The following SLC39A11 variants were observed in gnomAD, a reference collection of about 807,000 sequenced individuals.
The protein encoded by SLC39A11 is zinc transporter ZIP11.
Under a neutral mutation model 36.1 loss-of-function variants are expected in SLC39A11, and 33 were observed. The observed-to-expected ratio is 0.91, with a 90% confidence interval of 0.69 to 1.22. SLC39A11 has a LOEUF of 1.22. SLC39A11 is among the 50% of genes most tolerant of loss of function. The probability of loss-of-function intolerance (pLI) is 0.00; values close to 1 mark genes in which losing one functional copy is unlikely to be tolerated. For synonymous variants in SLC39A11, 166 were observed against 170.3 expected, an observed-to-expected ratio of 0.97 and a Z score of 0.20; for missense variants, 432 against 430.3, an observed-to-expected ratio of 1.00 and a Z score of -0.03.
chr17:73,077,981 G>A (rs1325763981), intron 3 of SLC39A11, among the ~76,000 whole-genome samples: 1 of 152,150 alleles, frequency 6.6e-6, no homozygotes, highest in Admixed American at 6.5e-5. Context: ...GCTCACGCCT[G>A]TAATCCCAGC....
chr17:72,734,704 G>C (rs2074352462), intron 7 of SLC39A11, among the ~76,000 whole-genome samples: 2 of 152,228 alleles, frequency 1.3e-5, no homozygotes, highest in Admixed American at 1.3e-4. Flanking sequence ...GAGTTGACAT[G>C]ATGATGTCGC....
At chr17:72,787,148 A>G (rs2076544679) in intron 6 of SLC39A11, among the ~76,000 whole-genome samples, 2 of 151,758 alleles carry the variant, frequency 1.3e-5, no homozygotes, top group African/African-American at 4.8e-5. Context: ...GATGCAGTGC[A>G]GCAGACCTGG....
intron 4 of SLC39A11, among the ~76,000 whole-genome samples, chr17:73,001,069 C>T (rs2148393027): frequency 6.6e-6 from 1 of 152,262 alleles, no homozygotes; most frequent in African/African-American, 2.4e-5. Context: ...CCATCACCAG[C>T]CTGCTGGCCC....
At chr17:73,016,758 C>T (rs1269001012) in intron 4 of SLC39A11, among the ~76,000 whole-genome samples, 1 of 152,210 alleles carries the variant, frequency 6.6e-6, no homozygotes, top group South Asian at 2.1e-4. Context: ...ATTTCAGAAC[C>T]AATGAACCAA....
chr17:72,793,462 A>C (rs2567515), intron 6 of SLC39A11, among the ~76,000 whole-genome samples: 152,143 of 152,288 alleles, frequency 1, 76,001 homozygotes, highest in Middle Eastern at 1. Context: ...AAAGGGAGAG[A>C]TTTTCTTTCT....
intron 3 of SLC39A11, among the ~76,000 whole-genome samples, chr17:73,080,626 T>C (rs2060477796): frequency 6.6e-6 from 1 of 152,154 alleles, no homozygotes; most frequent in Non-Finnish European, 1.5e-5. Context: ...AAAACAACGA[T>C]AAACAGATAA....
chr17:73,015,701 G>A (rs150792873), intron 4 of SLC39A11, among the ~76,000 whole-genome samples: 2 of 152,194 alleles, frequency 1.3e-5, no homozygotes, highest in Non-Finnish European at 2.9e-5. Context: ...TCGTGCCTTG[G>A]CCTCCCAAGT....
At chr17:72,764,339 G>A (rs2075690963) in intron 6 of SLC39A11, among the ~76,000 whole-genome samples, 1 of 152,142 alleles carries the variant, frequency 6.6e-6, no homozygotes, top group African/African-American at 2.4e-5. Flanking sequence ...CAGCTGTGGT[G>A]GGGACAAGGC....
At chr17:72,650,154 T>C (rs1219301169) in intron 7 of SLC39A11, among the ~76,000 whole-genome samples, 2 of 152,226 alleles carry the variant, frequency 1.3e-5, no homozygotes, top group Admixed American at 1.3e-4. Context: ...CTCCGTGGGC[T>C]CTGCAGGTCT....
At chr17:72,794,386 C>T (rs2076819379) in intron 6 of SLC39A11, among the ~76,000 whole-genome samples, 1 of 152,132 alleles carries the variant, frequency 6.6e-6, no homozygotes, top group African/African-American at 2.4e-5. Flanking sequence ...CACAATCCTT[C>T]TGTTGGGTCC....
At chr17:73,032,546 T>C (rs938336629) in intron 3 of SLC39A11, among the ~76,000 whole-genome samples, 15 of 152,200 alleles carry the variant, frequency 9.9e-5, no homozygotes, top group African/African-American at 3.6e-4. Flanking sequence ...CAAGACAAAT[T>C]GCTCACTACT....
At chr17:72,826,601 A>G (rs1235109727) in intron 6 of SLC39A11, among the ~76,000 whole-genome samples, 2 of 152,240 alleles carry the variant, frequency 1.3e-5, no homozygotes, top group Non-Finnish European at 2.9e-5. Flanking sequence ...GACATTTTAT[A>G]TAATATATCA....
intron 5 of SLC39A11, among the ~76,000 whole-genome samples, chr17:72,935,196 C>T (rs1050990272): frequency 6.6e-5 from 10 of 152,192 alleles, no homozygotes; most frequent in Admixed American, 4.6e-4. Flanking sequence ...AAAAGGAACA[C>T]GCTGTTGACA....
chr17:72,648,507 G>A (rs541887476), intron 9 of SLC39A11, among the ~76,000 whole-genome samples: 10 of 152,058 alleles, frequency 6.6e-5, no homozygotes, highest in East Asian at 1.9e-4. Context: ...CCCGAGAATC[G>A]AGAGACAGGA....
chr17:73,052,299 A>G (rs774301801), intron 3 of SLC39A11, among the ~76,000 whole-genome samples: 1 of 152,138 alleles, frequency 6.6e-6, no homozygotes, highest in Non-Finnish European at 1.5e-5. Context: ...AAACCCATAA[A>G]GACAGGATGC....
chr17:72,936,146 C>T (rs919871203), intron 5 of SLC39A11, among the ~76,000 whole-genome samples: 3 of 151,906 alleles, frequency 2.0e-5, no homozygotes, highest in African/African-American at 7.3e-5. Context: ...TGTGGTGAGC[C>T]GAGATCACGT....
chr17:72,930,588 G>A (rs150780823), intron 5 of SLC39A11, among the ~76,000 whole-genome samples: 70 of 152,292 alleles, frequency 4.6e-4, no homozygotes, highest in Middle Eastern at 3.4e-3. Flanking sequence ...CAGAAGAAGC[G>A]ACTACAGTTT....
intron 6 of SLC39A11, among the ~76,000 whole-genome samples, chr17:72,741,403 T>C (rs1329823988): frequency 6.6e-6 from 1 of 152,196 alleles, no homozygotes; most frequent in Non-Finnish European, 1.5e-5. Flanking sequence ...ATGATCTGTG[T>C]TTGTGGGTAT....
At chr17:72,924,880 T>C (rs1190906563) in intron 5 of SLC39A11, among the ~76,000 whole-genome samples, 3 of 151,740 alleles carry the variant, frequency 2.0e-5, no homozygotes, top group Non-Finnish European at 4.4e-5. Context: ...CGTGCACCTG[T>C]AGTCCCAGCT....
Sources: gnomAD v4.1 joint callset for allele counts (sites outside exome capture counted in the v4.1 genomes callset) on GRCh38, gnomAD v4.1.1 for gene constraint, MANE v1.5 for transcripts, NCBI Gene and HGNC (gene_info 2026-07-23, HGNC 2026-07-21) for gene names.